GRAMD1C: variants seen among roughly 807,000 people sequenced by gnomAD.
GRAMD1C encodes protein Aster-C.
A neutral mutation model predicts 97.8 loss-of-function variants in GRAMD1C; 89 were observed. The observed-to-expected ratio is 0.91, with a 90% CI of 0.77 to 1.09. The LOEUF (loss-of-function observed/expected upper bound fraction) is 1.09, where lower values mean the gene tolerates loss of function less well. Among genes scored for constraint, GRAMD1C ranks in the 50% least tolerant of loss-of-function variants. GRAMD1C has a pLI of 0.00. For synonymous variants in GRAMD1C, 256 were observed against 267.0 expected, an observed-to-expected ratio of 0.96 and a Z score of 0.40; for missense variants, 740 against 766.4, an observed-to-expected ratio of 0.97 and a Z score of 0.41.
At chr3:113,929,824 T>C (rs1206951318) in intron 10 of GRAMD1C, among the ~76,000 whole-genome samples, 1 of 152,184 alleles carries the variant, frequency 6.6e-6, no homozygotes, top group Non-Finnish European at 1.5e-5. Context: ...GGCTGTATTC[T>C]AAAGCCTCAC....
At chr3:113,858,878 C>A (rs1216064723) in intron 2 of GRAMD1C, among the ~76,000 whole-genome samples, 1 of 152,148 alleles carries the variant, frequency 6.6e-6, no homozygotes, top group East Asian at 1.9e-4. Flanking sequence ...GTGTAGAGTT[C>A]TTTACAGTAT....
intron 3 of GRAMD1C, among the ~76,000 whole-genome samples, chr3:113,872,270 G>A (rs2107375757): frequency 6.6e-6 from 1 of 151,634 alleles, no homozygotes; most frequent in Non-Finnish European, 1.5e-5. Context: ...ATGTATTTAG[G>A]ATTATATATA....
At chr3:113,860,181 C>T (rs2107351601) in intron 2 of GRAMD1C, among the ~76,000 whole-genome samples, 1 of 152,068 alleles carries the variant, frequency 6.6e-6, no homozygotes. Flanking sequence ...GCCACCACGC[C>T]CAGCTAATTT....
intron 2 of GRAMD1C, among the ~76,000 whole-genome samples, chr3:113,867,313 G>A (rs1934621477): frequency 6.6e-6 from 1 of 151,508 alleles, no homozygotes; most frequent in African/African-American, 2.4e-5. Flanking sequence ...AATTTTTTTG[G>A]AGACAGAGTC....
intron 6 of GRAMD1C, among the ~76,000 whole-genome samples, chr3:113,900,220 G>T (rs947709578): frequency 6.6e-6 from 1 of 151,322 alleles, no homozygotes; most frequent in Non-Finnish European, 1.5e-5. Context: ...TTAGCTGGGT[G>T]TGGTGGTGCA....
At chr3:113,918,988 G>A (rs1248009848) in intron 10 of GRAMD1C, among the ~76,000 whole-genome samples, 1 of 152,104 alleles carries the variant, frequency 6.6e-6, no homozygotes, top group African/African-American at 2.4e-5. Flanking sequence ...TACCACACCT[G>A]GGCTGGTATT....
At chr3:113,861,955 C>T (rs533221395) in intron 2 of GRAMD1C, among the ~76,000 whole-genome samples, 17 of 151,820 alleles carry the variant, frequency 1.1e-4, no homozygotes, top group East Asian at 3.9e-4. Context: ...GTGATGCCCT[C>T]GAGCCGTAAA....
At chr3:113,888,345 T>C (rs1460386798) in intron 6 of GRAMD1C, among the ~76,000 whole-genome samples, 3 of 151,988 alleles carry the variant, frequency 2.0e-5, no homozygotes, top group African/African-American at 7.3e-5. Context: ...TAGGAAGAAA[T>C]GGGGAGATGT....
chr3:113,829,786 C>A (rs1709534634), intron 1 of GRAMD1C, among the ~76,000 whole-genome samples: 1 of 152,006 alleles, frequency 6.6e-6, no homozygotes, highest in Non-Finnish European at 1.5e-5. Flanking sequence ...CGTCATTAGG[C>A]AATTTTGCTG....
At chr3:113,834,652 T>C (rs1241263510), upstream of GRAMD1C, among the ~76,000 whole-genome samples, 1 of 151,912 alleles carries the variant, frequency 6.6e-6, no homozygotes, top group Non-Finnish European at 1.5e-5. Flanking sequence ...TAAGAGACAT[T>C]TGCCCAGGCA....
chr3:113,877,166 C>T (rs543866838), intron 5 of GRAMD1C, among the ~76,000 whole-genome samples: 47 of 152,260 alleles, frequency 3.1e-4, no homozygotes, highest in African/African-American at 1.1e-3. Flanking sequence ...TTTAAACAGT[C>T]TTATCCCTAT....
chr3:113,918,167 C>T (rs749885058), intron 10 of GRAMD1C, among the ~76,000 whole-genome samples: 2 of 152,136 alleles, frequency 1.3e-5, no homozygotes, highest in African/African-American at 2.4e-5. Context: ...ATTATCTTTT[C>T]TGTTCTTCCA....
chr3:113,919,591 C>A, intron 10 of GRAMD1C: 1 of 585,142 alleles, frequency 1.7e-6, no homozygotes, highest in East Asian at 4.3e-5. Flanking sequence ...ACATCGGTGC[C>A]AGTGTTCACT....
intron 11 of GRAMD1C, 55 bp from the exon 12 acceptor site, chr3:113,933,453 CAAG>C: frequency 8.2e-7 from 1 of 1,216,740 alleles, no homozygotes; most frequent in Non-Finnish European, 1.2e-6. Context: ...TCTAAATTGG[CAAG>C]AAGATTCATA....
Position 113,838,870 on chromosome 3 carries a change from G to A in GRAMD1C, c.-40G>A, listed in dbSNP as rs1385392520. 4.9e-6 allele frequency: 6 copies of A among 1,226,338 alleles called. No homozygotes were observed. The highest frequency in any genetic ancestry group is 3.1e-5 in the African/African-American group (2 of 64,064). 76.0% of individuals were successfully genotyped at this position (1,226,338 alleles called of 1,614,324 possible). On this transcript the variant is annotated 5_prime_UTR_variant, in exon 1 of 18. In the 5' UTR this introduces an upstream ATG that the reference lacks. Transcript: ENST00000358160. ...GGTGGGCGCGGGGCGGTGCGGTGCGGTGCGCGCGGGGCGGTGCCGCGGCGG... is the reference window on the plus strand; with the variant it reads ...GGTGGGCGCGGGGCGGTGCGGTGCGATGCGCGCGGGGCGGTGCCGCGGCGG...
At chr3:113,898,430 G>A (rs116060271) in intron 6 of GRAMD1C, among the ~76,000 whole-genome samples, 1,583 of 152,154 alleles carry the variant, frequency 0.01, 32 homozygotes, top group African/African-American at 0.036. Context: ...TTCTTTGGAA[G>A]AATGAGTTAA....
chr3:113,885,354 G>T, intron 6 of GRAMD1C: 1 of 1,594,454 alleles, frequency 6.3e-7, no homozygotes, highest in African/African-American at 1.3e-5. Flanking sequence ...TCGCTGCCAA[G>T]CTCTGGAGCT....
intron 2 of GRAMD1C, among the ~76,000 whole-genome samples, chr3:113,845,382 A>G (rs2107319458): frequency 6.6e-6 from 1 of 152,290 alleles, no homozygotes; most frequent in South Asian, 2.1e-4. Context: ...GTATAGTTCC[A>G]ATTAGTTCAT....
rs541988201 is a variant in GRAMD1C, at chr3:113,884,554, C to G, written c.540+1722C>G. Among the ~76,000 whole-genome samples the G allele has an allele frequency of 2.1e-3, 320 of 152,206 alleles. 3 individuals carry two copies. Among genetic ancestry groups the G allele is most frequent in the Non-Finnish European group, 2.8e-3 (189 of 67,992 alleles). ...ATTTCTGCCTTAAGAAATTAGAGGC[C>G]GGGCGCGGTGGCTCACACCTGTAAT... On this transcript the variant is annotated intron_variant, in intron 6 of 17. Transcript: ENST00000358160.
Sources: allele counts gnomAD v4.1 joint callset (sites outside exome capture counted in the v4.1 genomes callset), GRCh38; gene constraint gnomAD v4.1.1; transcripts MANE v1.5; gene names NCBI Gene and HGNC (gene_info 2026-07-23, HGNC 2026-07-21).